ADCY8: variants seen among roughly 807,000 people sequenced by gnomAD.
The protein encoded by ADCY8 is adenylate cyclase type 8.
ADCY8 carries 51 observed loss-of-function variants against 119.7 expected under a neutral mutation model. The observed-to-expected ratio is 0.43, with a 90% CI of 0.34 to 0.54. The LOEUF (loss-of-function observed/expected upper bound fraction) is 0.54, where lower values mean the gene tolerates loss of function less well. Ranked by LOEUF, ADCY8 falls within the 20% of genes least tolerant of loss-of-function variation. The pLI is 0.03. For synonymous variants in ADCY8, 665 were observed against 651.0 expected, an observed-to-expected ratio of 1.02 and a Z score of -0.33; for missense variants, 1,383 against 1,598.8, an observed-to-expected ratio of 0.87 and a Z score of 2.30.
intron 2 of ADCY8, among the ~76,000 whole-genome samples, chr8:130,982,379 A>G (rs1428224893): frequency 2.0e-5 from 3 of 152,250 alleles, no homozygotes; most frequent in African/African-American, 7.2e-5. Context: ...GATGCTTCAT[A>G]AGGGGGGCGG....
At chr8:130,907,776 T>C (rs1272781278) in intron 6 of ADCY8, among the ~76,000 whole-genome samples, 2 of 152,206 alleles carry the variant, frequency 1.3e-5, no homozygotes, top group Non-Finnish European at 2.9e-5. Flanking sequence ...TCAGGTGGTA[T>C]ATGTGCAGCT....
chr8:130,978,004 G>A (rs1198332212), intron 2 of ADCY8, among the ~76,000 whole-genome samples: 1 of 152,222 alleles, frequency 6.6e-6, no homozygotes, highest in Non-Finnish European at 1.5e-5. Flanking sequence ...AGTAAGGAAT[G>A]AGTTAGTGGC....
At position 130,993,573 on chromosome 8, in the gene ADCY8, A is replaced by G. The variant is rs184169570; in HGVS notation, c.961-3031T>C. Among the ~76,000 whole-genome samples the G allele has an allele frequency of 3.7e-3, 570 of 152,312 alleles. 7 individuals are homozygous for G. Among genetic ancestry groups the G allele is most frequent in the Non-Finnish European group, 2.9e-3 (199 of 68,022 alleles). ...GGATCCAGTGGGATAAAATTAAATC[A>G]TGGCTATGGTTTCCCCCATACTGTT... On this transcript the variant is annotated intron_variant, in intron 1 of 17. Transcript: ENST00000286355.
chr8:131,019,827 C>CTCTGTCTG lies in ADCY8; in HGVS notation c.960+19546_960+19547insCAGACAGA, dbSNP rs1563770551. ...TCTCTCTCTCTCTCTCTCTCTCTCT[C>CTCTGTCTG]TCTCTCTCTCTGTCTGTCTCTCTCT... On this transcript the variant is annotated intron_variant, in intron 1 of 17. Coordinates refer to ENST00000286355, the MANE Select transcript of ADCY8 (RefSeq NM_001115.3). Among the ~76,000 whole-genome samples the CTCTGTCTG allele has an allele frequency of 5.8e-5, 7 of 121,618 alleles. No individual in the cohort carries two copies. The East Asian group carries it at 1.6e-3, about 28-fold the overall frequency. 79.8% of individuals were successfully genotyped at this position (121,618 alleles called of 152,430 possible).
At chr8:130,943,700 G>T (rs1171830258) in intron 3 of ADCY8, among the ~76,000 whole-genome samples, 4 of 152,120 alleles carry the variant, frequency 2.6e-5, no homozygotes, top group Admixed American at 1.3e-4. Flanking sequence ...TTTTTCCTGT[G>T]CAGGGCTGTG....
chr8:131,031,800 TAC>T (rs1824005497), intron 1 of ADCY8, among the ~76,000 whole-genome samples: 1 of 152,162 alleles, frequency 6.6e-6, no homozygotes, highest in Admixed American at 6.5e-5. Flanking sequence ...TAAAATAAAT[TAC>T]ACAGTCTCAG....
chr8:130,884,886 T>C (rs910291487), intron 7 of ADCY8, 125 bp from the exon 8 acceptor site: 162 of 977,084 alleles, frequency 1.7e-4, no homozygotes, highest in Middle Eastern at 5.0e-4. Context: ...TTGTATTCAG[T>C]GAAACCTACA....
Position 130,909,754 on chromosome 8 carries a change from A to G in ADCY8, c.1594T>C (p.Trp532Arg). The change falls in exon 6 of 18, where the codon TGG becomes CGG. Residue 532 changes from tryptophan to arginine, a missense_variant. By Grantham distance (101) the Trp-to-Arg change is moderately radical. Transcript: ENST00000286355. The stretch of plus-strand genomic sequence containing the variant: ...AGTTTGTTTGCAATATCCACATCCC[A>G]AGACCAGACATCAAACTGCCACTTC... ...LRKWQFDVWS[W>R]DVDIANKLES... The G allele has an allele frequency of 6.2e-7, 1 of 1,614,118 alleles. No homozygotes were observed. Among genetic ancestry groups the G allele is most frequent in the Non-Finnish European group, 8.5e-7 (1 of 1,180,018 alleles).
chr8:130,968,311 A>C (rs1003573385), intron 2 of ADCY8, among the ~76,000 whole-genome samples: 11 of 151,792 alleles, frequency 7.2e-5, no homozygotes, highest in Non-Finnish European at 7.4e-5. Flanking sequence ...CTGGGACTAC[A>C]GGCGCCCACC....
intron 7 of ADCY8, among the ~76,000 whole-genome samples, 165 bp from the exon 8 acceptor site, chr8:130,884,926 G>A (rs1047852800): frequency 2.0e-5 from 3 of 152,148 alleles, no homozygotes; most frequent in Non-Finnish European, 4.4e-5. Context: ...TTGGTGCAGA[G>A]AAATACAACC....
intron 15 of ADCY8, among the ~76,000 whole-genome samples, chr8:130,795,222 T>C (rs1815542663): frequency 6.6e-6 from 1 of 152,364 alleles, no homozygotes; most frequent in Admixed American, 6.5e-5. Flanking sequence ...TTGAGCTTAG[T>C]ATTCACTTTG....
intron 8 of ADCY8, among the ~76,000 whole-genome samples, chr8:130,875,673 A>G (rs1010382811): frequency 3.3e-5 from 5 of 152,188 alleles, no homozygotes; most frequent in Non-Finnish European, 7.3e-5. Context: ...AACTCCAATA[A>G]AAGTTGATGG....
intron 5 of ADCY8, among the ~76,000 whole-genome samples, chr8:130,919,989 G>A (rs1428959899): frequency 6.6e-6 from 1 of 151,592 alleles, no homozygotes; most frequent in Non-Finnish European, 1.5e-5. Context: ...AAAATTCTTG[G>A]AAGCAGGGCC....
intron 17 of ADCY8, among the ~76,000 whole-genome samples, chr8:130,781,624 A>G (rs1373619748): frequency 6.6e-6 from 1 of 151,996 alleles, no homozygotes; most frequent in Admixed American, 6.5e-5. Flanking sequence ...TTATATTCAC[A>G]CTGAACTGCT....
intron 12 of ADCY8, among the ~76,000 whole-genome samples, chr8:130,826,921 G>C (rs1385717676): frequency 6.6e-6 from 1 of 152,006 alleles, no homozygotes; most frequent in African/African-American, 2.4e-5. Flanking sequence ...GTCGTGGGGT[G>C]GGGGGTTGGG....
intron 7 of ADCY8, among the ~76,000 whole-genome samples, chr8:130,890,189 C>T (rs1256985316): frequency 4.4e-5 from 6 of 135,138 alleles, no homozygotes; most frequent in East Asian, 4.5e-4. Context: ...CATCACACAC[C>T]GGGGCCTGTT....
chr8:130,992,230 C>G lies in ADCY8; in HGVS notation c.961-1688G>C, dbSNP rs531247558. Among the ~76,000 whole-genome samples, 13 of 148,936 alleles carry G rather than the reference C, an allele frequency of 8.7e-5. No individual in the cohort carries two copies. In the South Asian group the frequency reaches 1.1e-3, roughly 12 times the overall value. ...GAGTAGCTGGGATTACAGGTGTGTACTACCATGCCCAGCTAATTTTTGTAT... is the reference window on the plus strand; with the variant it reads ...GAGTAGCTGGGATTACAGGTGTGTAGTACCATGCCCAGCTAATTTTTGTAT... On this transcript the variant is annotated intron_variant, in intron 1 of 17. Coordinates refer to ENST00000286355, the MANE Select transcript of ADCY8 (RefSeq NM_001115.3).
At chr8:130,906,065 T>G (rs1819774393) in intron 6 of ADCY8, among the ~76,000 whole-genome samples, 1 of 152,206 alleles carries the variant, frequency 6.6e-6, no homozygotes, top group South Asian at 2.1e-4. Flanking sequence ...CACATAAATA[T>G]CTTGATTGAT....
At chr8:130,888,351 T>A (rs1417208114) in intron 7 of ADCY8, among the ~76,000 whole-genome samples, 1 of 152,042 alleles carries the variant, frequency 6.6e-6, no homozygotes, top group Non-Finnish European at 1.5e-5. Context: ...GAAGCAGCAA[T>A]GTAATAATGT....
Sources: gnomAD v4.1 joint callset for allele counts (sites outside exome capture counted in the v4.1 genomes callset) on GRCh38, gnomAD v4.1.1 for gene constraint, MANE v1.5 for transcripts, NCBI Gene and HGNC (gene_info 2026-07-23, HGNC 2026-07-21) for gene names.